PLD5: variants seen among roughly 807,000 people sequenced by gnomAD.
PLD5 encodes the protein inactive phospholipase D5.
In PLD5, 36 loss-of-function variants were observed where a neutral mutation model predicts 61.1. That is an observed-to-expected ratio of 0.59 (90% CI 0.45 to 0.78). The LOEUF is 0.78. PLD5 is among the 30% of genes least tolerant of loss of function. The pLI, the probability that PLD5 is intolerant of heterozygous loss-of-function variation, is 0.00. For synonymous variants in PLD5, 243 were observed against 242.8 expected (o/e 1.00, Z -0.01); for missense variants, 515 against 644.4 (o/e 0.80, Z 2.17).
At chr1:242,450,177 A>G (rs1283309975) in intron 1 of PLD5, among the ~76,000 whole-genome samples, 4 of 152,230 alleles carry the variant, frequency 2.6e-5, no homozygotes, top group Non-Finnish European at 4.4e-5. Context: ...GAAGAATTCA[A>G]TCACACAGCT....
intron 4 of PLD5, among the ~76,000 whole-genome samples, chr1:242,242,786 T>G (rs1401238715): frequency 6.6e-6 from 1 of 152,180 alleles, no homozygotes; most frequent in Non-Finnish European, 1.5e-5. Context: ...ATACCAAAGA[T>G]CTGTGGGGTT....
chr1:242,296,121 C>T (rs1161764534), intron 2 of PLD5, among the ~76,000 whole-genome samples: 1 of 152,136 alleles, frequency 6.6e-6, no homozygotes, highest in Non-Finnish European at 1.5e-5. Flanking sequence ...ACATGCTGTG[C>T]TCAATGCCTG....
At position 242,216,199 on chromosome 1, in the gene PLD5, C is replaced by T. The variant is rs139885774; in HGVS notation, c.735+3789G>A. 2.5e-3 allele frequency among the ~76,000 whole-genome samples: 373 copies of T among 152,016 alleles called. 6 individuals are homozygous for T. Among genetic ancestry groups the T allele is most frequent in the African/African-American group, 7.8e-3 (323 of 41,464 alleles). ...GCAAAGTCAGAATAACAGCAATGAC[C>T]GCCTTGCCCGACAGACCTGTTGCTG... On this transcript the variant is annotated intron_variant, in intron 5 of 9. Transcript: ENST00000536534.
Position 242,434,823 on chromosome 1 carries a change from CA to C in PLD5, c.190-86582del, listed in dbSNP as rs1379166728. On this transcript the variant is annotated intron_variant, in intron 1 of 9. Coordinates refer to ENST00000536534, the MANE Select transcript of PLD5 (RefSeq NM_001372062.1). ...AGAGACGGGGTTTCACCATTTTAGC[CA>C]GGATGGTCTTGATCTCCTGACCTCG... is the stretch of plus-strand genomic sequence containing the variant. Among the ~76,000 whole-genome samples, 6 of 152,200 alleles carry C rather than the reference CA, an allele frequency of 3.9e-5. No homozygotes were observed. In the South Asian group the frequency reaches 6.2e-4, roughly 16 times the overall value.
intron 2 of PLD5, among the ~76,000 whole-genome samples, chr1:242,323,958 A>G (rs1267641725): frequency 6.6e-6 from 1 of 152,170 alleles, no homozygotes; most frequent in African/African-American, 2.4e-5. Context: ...GAGACTGTGA[A>G]ATCATTATAT....
At chr1:242,494,101 C>G (rs1033241346) in intron 1 of PLD5, among the ~76,000 whole-genome samples, 1 of 88,978 alleles carries the variant, frequency 1.1e-5, no homozygotes, top group Non-Finnish European at 2.4e-5. Flanking sequence ...TTCCCCTCTC[C>G]TCCCCTCTCC....
At chr1:242,355,474 T>G (rs1660704325) in intron 1 of PLD5, among the ~76,000 whole-genome samples, 1 of 151,786 alleles carries the variant, frequency 6.6e-6, no homozygotes, top group African/African-American at 2.4e-5. Flanking sequence ...ACTTTTATTT[T>G]TGATTTTATT....
chr1:242,155,433 T>A (rs1411631540), intron 5 of PLD5, among the ~76,000 whole-genome samples: 1 of 152,152 alleles, frequency 6.6e-6, no homozygotes, highest in East Asian at 1.9e-4. Flanking sequence ...TTCTTTTAAT[T>A]GTGATGTTAG....
At chr1:242,390,046 A>G (rs1254053100) in intron 1 of PLD5, among the ~76,000 whole-genome samples, 1 of 149,078 alleles carries the variant, frequency 6.7e-6, no homozygotes, top group Non-Finnish European at 1.5e-5. Flanking sequence ...ATTGAGATGA[A>G]GTCTCACTTT....
intron 4 of PLD5, among the ~76,000 whole-genome samples, chr1:242,237,532 C>A (rs576315667): frequency 6.6e-6 from 1 of 152,198 alleles, no homozygotes; most frequent in Non-Finnish European, 1.5e-5. Flanking sequence ...AGGGGGCTCT[C>A]CTGCTGTTTT....
chr1:242,466,497 A>C (rs7531920), intron 1 of PLD5, among the ~76,000 whole-genome samples: 96,161 of 152,082 alleles, frequency 0.63, 31,148 homozygotes, highest in African/African-American at 0.76. Flanking sequence ...AAAAGAAGGA[A>C]ATTCTTGTCA....
chr1:242,302,098 G>A (rs1294060586), intron 2 of PLD5, among the ~76,000 whole-genome samples: 9 of 152,098 alleles, frequency 5.9e-5, no homozygotes, highest in Admixed American at 2.0e-4. Flanking sequence ...CCTTCCCTAG[G>A]TTTAGATACA....
In PLD5 at chr1:242,260,426, C is replaced by T. The variant is rs141217409; in HGVS notation, c.607+4911G>A. On this transcript the variant is annotated intron_variant, in intron 4 of 9. Coordinates refer to ENST00000536534, the MANE Select transcript of PLD5 (RefSeq NM_001372062.1). ...GCAAGTGGCACATCCCTCAGGAATA[C>T]GGATTTGAAGAAAGCAGAGGATTTC... 5.6e-3 allele frequency among the ~76,000 whole-genome samples: 846 copies of T among 151,858 alleles called. 10 individuals carry two copies. The highest frequency in any genetic ancestry group is 0.019 in the African/African-American group (784 of 41,404).
intron 1 of PLD5, among the ~76,000 whole-genome samples, chr1:242,419,209 C>A (rs912878142): frequency 1.3e-5 from 2 of 151,952 alleles, no homozygotes; most frequent in African/African-American, 4.8e-5. Flanking sequence ...GCCTGGGTGG[C>A]GTGTTCTTAC....
chr1:242,253,728 A>T (rs1672852871), intron 4 of PLD5, among the ~76,000 whole-genome samples: 1 of 152,216 alleles, frequency 6.6e-6, no homozygotes, highest in African/African-American at 2.4e-5. Flanking sequence ...CACAAGGTTG[A>T]ATATGCATAT....
chr1:242,529,543 A>T (rs12752418), upstream of PLD5, among the ~76,000 whole-genome samples: 17,557 of 152,182 alleles, frequency 0.12, 1,117 homozygotes, highest in East Asian at 0.18. Context: ...ACACTATGGC[A>T]GAAACTCAGG....
intron 1 of PLD5, among the ~76,000 whole-genome samples, chr1:242,376,752 A>G (rs375752659): frequency 1.2e-4 from 18 of 152,320 alleles, no homozygotes; most frequent in African/African-American, 4.1e-4. Context: ...CTGTTTTAAT[A>G]CTTATCGAGG....
intron 4 of PLD5, among the ~76,000 whole-genome samples, chr1:242,234,863 T>C (rs1229794975): frequency 1.3e-5 from 2 of 152,092 alleles, no homozygotes; most frequent in Admixed American, 6.5e-5. Flanking sequence ...AAAAGTCCTG[T>C]GGATGGCATC....
At chr1:242,356,693 A>G (rs1310680007) in intron 1 of PLD5, among the ~76,000 whole-genome samples, 1 of 151,374 alleles carries the variant, frequency 6.6e-6, no homozygotes, top group East Asian at 1.9e-4. Context: ...CCTTAGTGGT[A>G]TGTTTTGAAT....
Sources: allele counts gnomAD v4.1 joint callset (sites outside exome capture counted in the v4.1 genomes callset), GRCh38; gene constraint gnomAD v4.1.1; transcripts MANE v1.5; gene names NCBI Gene and HGNC (gene_info 2026-07-23, HGNC 2026-07-21).